MARCHF1: variants seen among roughly 807,000 people sequenced by gnomAD.
MARCHF1 encodes the protein membrane associated ring-CH-type finger 1.
A neutral mutation model predicts 54.2 loss-of-function variants in MARCHF1; 40 were observed. The observed-to-expected ratio is 0.74, with a 90% CI of 0.57 to 0.96. The LOEUF is 0.96. Among genes scored for constraint, MARCHF1 ranks in the 40% least tolerant of loss-of-function variants. The pLI, the probability that MARCHF1 is intolerant of heterozygous loss-of-function variation, is 0.00. For synonymous variants in MARCHF1, 236 were observed against 236.3 expected (o/e 1.00, Z 0.01); for missense variants, 586 against 656.5 (o/e 0.89, Z 1.17).
At chr4:164,345,058 T>C (rs929401230) in intron 1 of MARCHF1, among the ~76,000 whole-genome samples, 2 of 152,170 alleles carry the variant, frequency 1.3e-5, no homozygotes, top group Admixed American at 6.6e-5. Context: ...GAAAAATAAG[T>C]GCTAGTGCTC....
Position 163,753,372 on chromosome 4 carries a change from A to T in MARCHF1, c.112-52509T>A, listed in dbSNP as rs746212096. On this transcript the variant is annotated intron_variant, in intron 4 of 9. Transcript: ENST00000514618. ...TAAAGATAATGAATATGTATTTTAA[A>T]CAATGTTAAAAGTACTATTATGCCC... Among the ~76,000 whole-genome samples the T allele has an allele frequency of 2.0e-5, 3 of 152,182 alleles. No individual in the cohort carries two copies. The South Asian group carries it at 6.2e-4, about 32-fold the overall frequency.
chr4:163,940,074 C>G (rs1002901544), intron 3 of MARCHF1, among the ~76,000 whole-genome samples: 2 of 152,048 alleles, frequency 1.3e-5, no homozygotes, highest in African/African-American at 4.8e-5. Flanking sequence ...TAATTTTCTT[C>G]CTCTCTCCAC....
chr4:163,807,257 T>C (rs1322345093), intron 4 of MARCHF1, among the ~76,000 whole-genome samples: 2 of 152,292 alleles, frequency 1.3e-5, no homozygotes, highest in South Asian at 2.1e-4. Flanking sequence ...TAAAAATTTA[T>C]CACTGACAAA....
At chr4:164,025,334 T>A (rs1207477089) in intron 2 of MARCHF1, among the ~76,000 whole-genome samples, 4 of 152,052 alleles carry the variant, frequency 2.6e-5, no homozygotes, top group Non-Finnish European at 5.9e-5. Flanking sequence ...GGACCAAATG[T>A]GGCTCATAAA....
chr4:164,254,748 G>A (rs953395204), intron 1 of MARCHF1, among the ~76,000 whole-genome samples: 1 of 152,082 alleles, frequency 6.6e-6, no homozygotes, highest in Non-Finnish European at 1.5e-5. Flanking sequence ...TGGGAGGCTG[G>A]TAGGCCCAGC....
intron 1 of MARCHF1, among the ~76,000 whole-genome samples, chr4:164,241,568 C>A (rs1255287488): frequency 6.6e-6 from 1 of 152,154 alleles, no homozygotes; most frequent in African/African-American, 2.4e-5. Context: ...TTAAAATGGA[C>A]TTCCCAGAAA....
At chr4:164,244,859 A>G (rs1219584447) in intron 1 of MARCHF1, among the ~76,000 whole-genome samples, 1 of 151,860 alleles carries the variant, frequency 6.6e-6, no homozygotes, top group Non-Finnish European at 1.5e-5. Context: ...AAAATCTAGA[A>G]GAAATGGATA....
At chr4:164,081,537 C>T (rs142810695) in intron 2 of MARCHF1, among the ~76,000 whole-genome samples, 3 of 152,192 alleles carry the variant, frequency 2.0e-5, no homozygotes, top group Non-Finnish European at 4.4e-5. Flanking sequence ...CCTGGGAACT[C>T]CTGGGGAGAG....
rs568247239 is a variant in MARCHF1 at position 163,719,906 on chromosome 4, C to T, written c.112-19043G>A. Among the ~76,000 whole-genome samples, 742 of 152,114 alleles carry T rather than the reference C, an allele frequency of 4.9e-3. 1 individual carries two copies. The highest frequency in any genetic ancestry group is 8.6e-3 in the African/African-American group (358 of 41,502). On this transcript the variant is annotated intron_variant, in intron 4 of 9. Transcript: ENST00000514618. ...TTTTTCTTGTAAATTTGTTTGAGTT[C>T]TTTGTAGATTCTGGATATTAGCCCT... is the stretch of plus-strand genomic sequence containing the variant.
chr4:164,102,681 C>T (rs955456738), intron 2 of MARCHF1, among the ~76,000 whole-genome samples: 11 of 151,580 alleles, frequency 7.3e-5, no homozygotes, highest in African/African-American at 1.9e-4. Flanking sequence ...TAAAGACCAT[C>T]GAGACTAGGA....
rs763841424 is a variant in MARCHF1, at chr4:163,585,916, C to T, written c.1024G>A (p.Glu342Lys). ...NLEVCRICHC[E>K]GDEESPLITP... is the part of the protein sequence containing the mutation. ...ATGAGGGGGCTCTCTTCATCCCCTT[C>T]GCAGTGACAGATTCTGCAGAAAGAC... Residue 342 changes from glutamate (E) to lysine (K), a missense_variant, in exon 8 of 10, where the codon GAA becomes AAA. By Grantham distance (56) the Glu-to-Lys change is moderately conservative. This residue lies in a region of MARCHF1 where 93 missense variants were observed against 168.2 expected (regional missense o/e 0.55). Transcript: ENST00000514618. 11 of 1,605,926 alleles carry T rather than the reference C, an allele frequency of 6.8e-6. No individual in the cohort carries two copies. Among genetic ancestry groups the T allele is most frequent in the South Asian group, 2.2e-5 (2 of 89,834 alleles).
intron 8 of MARCHF1, among the ~76,000 whole-genome samples, chr4:163,569,682 T>G (rs921573976): frequency 1.3e-5 from 2 of 152,270 alleles, no homozygotes; most frequent in Admixed American, 1.3e-4. Context: ...ACACCCTAGC[T>G]GCTGACTCTA....
At chr4:163,625,922 C>G (rs1741855103) in intron 5 of MARCHF1, among the ~76,000 whole-genome samples, 1 of 152,146 alleles carries the variant, frequency 6.6e-6, no homozygotes. Flanking sequence ...TATTCAGCAG[C>G]AATGTATTGT....
At chr4:164,141,481 A>G (rs1194899370) in intron 1 of MARCHF1, among the ~76,000 whole-genome samples, 1 of 152,188 alleles carries the variant, frequency 6.6e-6, no homozygotes, top group Non-Finnish European at 1.5e-5. Flanking sequence ...TCTGTGCCAT[A>G]CCAAATCAGG....
rs186991705 is a variant in MARCHF1 at position 163,719,069 on chromosome 4, C to T, written c.112-18206G>A. On this transcript the variant is annotated intron_variant, in intron 4 of 9. Transcript: ENST00000514618. ...ATTATACTTTAAGTTCTAGGGTACACGTGCACCATGTGCAGGTTTGTTACA... is the reference window on the plus strand; with the variant it reads ...ATTATACTTTAAGTTCTAGGGTACATGTGCACCATGTGCAGGTTTGTTACA... Among the ~76,000 whole-genome samples the T allele has an allele frequency of 5.5e-3, 831 of 152,150 alleles. 4 individuals carry two copies. Among genetic ancestry groups the T allele is most frequent in the Non-Finnish European group, 9.7e-3 (662 of 67,994 alleles).
chr4:163,744,669 A>G (rs1277068366), intron 4 of MARCHF1, among the ~76,000 whole-genome samples: 1 of 152,208 alleles, frequency 6.6e-6, no homozygotes, highest in Admixed American at 6.5e-5. Flanking sequence ...AAATTAGAAG[A>G]GAGTGAAGTC....
intron 1 of MARCHF1, among the ~76,000 whole-genome samples, chr4:164,241,425 T>G (rs1732745639): frequency 6.6e-6 from 1 of 152,134 alleles, no homozygotes. Context: ...TTGTCCTGAG[T>G]TCACACCCTA....
chr4:163,638,889 T>A (rs1378078511), intron 5 of MARCHF1, among the ~76,000 whole-genome samples: 1 of 152,206 alleles, frequency 6.6e-6, no homozygotes, highest in Non-Finnish European at 1.5e-5. Flanking sequence ...TGCAACAACA[T>A]TGTTGAAACT....
At position 164,171,415 on chromosome 4, in the gene MARCHF1, A is replaced by G. The variant is rs577803269; in HGVS notation, c.-322-59753T>C. 2.6e-5 allele frequency among the ~76,000 whole-genome samples: 4 copies of G among 152,252 alleles called. No homozygotes were observed. The East Asian group carries it at 7.7e-4, about 29-fold the overall frequency. Reference sequence around the variant, plus strand: ...ATATAATACATATTTGTTTATGTCTACCCACTTGATTTGAAAGTGTATGGC... The same window carrying G: ...ATATAATACATATTTGTTTATGTCTGCCCACTTGATTTGAAAGTGTATGGC... On this transcript the variant is annotated intron_variant, in intron 1 of 9. Transcript: ENST00000514618.
Sources: allele counts gnomAD v4.1 joint callset (sites outside exome capture counted in the v4.1 genomes callset), GRCh38; gene constraint gnomAD v4.1.1; regional missense constraint gnomAD v4.1.1; transcripts MANE v1.5; gene names NCBI Gene and HGNC (gene_info 2026-07-23, HGNC 2026-07-21).